PARD3: variants seen among roughly 807,000 people sequenced by gnomAD.
PARD3 encodes partitioning defective 3 homolog.
A neutral mutation model predicts 155.4 loss-of-function variants in PARD3; 75 were observed. The observed-to-expected ratio is 0.48, with a 90% CI of 0.40 to 0.58. The LOEUF (loss-of-function observed/expected upper bound fraction) is 0.58. Ranked by LOEUF, PARD3 falls within the 20% of genes least tolerant of loss-of-function variation. The pLI is 0.00. For synonymous variants in PARD3, 576 were observed against 610.5 expected (o/e 0.94, Z 0.83); for missense variants, 1,642 against 1,721.7 (o/e 0.95, Z 0.82).
chr10:34,488,375 A>G (rs962595010), intron 3 of PARD3, among the ~76,000 whole-genome samples: 1 of 151,852 alleles, frequency 6.6e-6, no homozygotes, highest in African/African-American at 2.4e-5. Flanking sequence ...GCTGGAGTGC[A>G]GTGATGCAAT....
intron 1 of PARD3, among the ~76,000 whole-genome samples, chr10:34,778,183 C>A (rs1203531531): frequency 1.3e-5 from 2 of 152,218 alleles, no homozygotes; most frequent in Non-Finnish European, 2.9e-5. Flanking sequence ...AATACAAACT[C>A]ACTAAGCTCC....
In PARD3 at chr10:34,724,570, T is replaced by C. The variant is rs551842107; in HGVS notation, c.121-28151A>G. Among the ~76,000 whole-genome samples, 13 of 152,320 alleles carry C rather than the reference T, an allele frequency of 8.5e-5. No individual in the cohort carries two copies. In the South Asian group the frequency reaches 1.9e-3, roughly 22 times the overall value. On this transcript the variant is annotated intron_variant, in intron 1 of 24. Transcript: ENST00000374788. The stretch of plus-strand genomic sequence containing the variant: ...AATTTTACTATGATCACAGTAAACA[T>C]AGCACATAGAACTAAAGGAAATACT...
At chr10:34,669,612 A>C (rs1411638501) in intron 2 of PARD3, among the ~76,000 whole-genome samples, 1 of 152,132 alleles carries the variant, frequency 6.6e-6, no homozygotes, top group Non-Finnish European at 1.5e-5. Context: ...TTAAAAAAAA[A>C]CAGAAAAAAT....
chr10:34,804,199 A>T (rs1843110130), intron 1 of PARD3, among the ~76,000 whole-genome samples: 1 of 152,060 alleles, frequency 6.6e-6, no homozygotes, highest in South Asian at 2.1e-4. Flanking sequence ...ACACTCAGCT[A>T]AATTTTTTTG....
chr10:34,260,491 C>T (rs1954901701), intron 22 of PARD3, among the ~76,000 whole-genome samples: 1 of 152,122 alleles, frequency 6.6e-6, no homozygotes, highest in Non-Finnish European at 1.5e-5. Flanking sequence ...GGCCCAGGCA[C>T]AGATGTGGAT....
chr10:34,668,556 A>G (rs2093546537), intron 2 of PARD3, among the ~76,000 whole-genome samples: 1 of 152,236 alleles, frequency 6.6e-6, no homozygotes, highest in African/African-American at 2.4e-5. Context: ...ACCTGGCTCT[A>G]TAGCATTATT....
chr10:34,310,770 A>G (rs1957659110), intron 20 of PARD3, among the ~76,000 whole-genome samples: 1 of 152,214 alleles, frequency 6.6e-6, no homozygotes, highest in South Asian at 2.1e-4. Context: ...CTCTGTTTCA[A>G]TTCAAATTAA....
rs71984849 is a variant in PARD3 at position 34,750,030 on chromosome 10, TACACACAC to T, written c.121-53619_121-53612del. Among the ~76,000 whole-genome samples the T allele has an allele frequency of 2.5e-3, 347 of 140,792 alleles. 2 individuals are homozygous for T. The highest frequency in any genetic ancestry group is 4.6e-3 in the African/African-American group (174 of 38,010). The allele number at this position is 140,792 out of a possible 152,430, so 92.4% of individuals were successfully genotyped here. ...GAACGAGACCCCCTCTCAAAAAAAG[TACACACAC>T]ACACACACACACACACACACACACA... On this transcript the variant is annotated intron_variant, in intron 1 of 24. Coordinates refer to ENST00000374788, the MANE Select transcript of PARD3 (RefSeq NM_001184785.2).
At chr10:34,686,176 C>T (rs1366586831) in intron 2 of PARD3, among the ~76,000 whole-genome samples, 2 of 152,094 alleles carry the variant, frequency 1.3e-5, no homozygotes, top group Admixed American at 6.5e-5. Context: ...ATGTGAAGCC[C>T]TCCCTCATTT....
intron 5 of PARD3, among the ~76,000 whole-genome samples, chr10:34,449,691 GTAAA>G (rs1159035632): frequency 2.6e-5 from 4 of 151,998 alleles, no homozygotes; most frequent in African/African-American, 4.8e-5. Flanking sequence ...CAACAACTTT[GTAAA>G]TAGTCATTCT....
At chr10:34,712,392 G>A (rs967937727) in intron 1 of PARD3, among the ~76,000 whole-genome samples, 1 of 152,148 alleles carries the variant, frequency 6.6e-6, no homozygotes, top group Admixed American at 6.5e-5. Flanking sequence ...CTGGTGCTGC[G>A]CCCACCTCCT....
intron 5 of PARD3, among the ~76,000 whole-genome samples, chr10:34,426,209 A>T (rs1564699688): frequency 6.6e-6 from 1 of 152,218 alleles, no homozygotes; most frequent in Non-Finnish European, 1.5e-5. Flanking sequence ...TAAAAGGATG[A>T]GTTTTCTTAC....
chr10:34,222,055 T>C (rs1342865202), intron 22 of PARD3, among the ~76,000 whole-genome samples: 1 of 152,234 alleles, frequency 6.6e-6, no homozygotes, highest in East Asian at 1.9e-4. Context: ...TTGCACTATA[T>C]AAAGATGAAA....
intron 1 of PARD3, among the ~76,000 whole-genome samples, chr10:34,697,273 C>T (rs1386847958): frequency 6.6e-6 from 1 of 152,138 alleles, no homozygotes; most frequent in African/African-American, 2.4e-5. Flanking sequence ...TACTAAATTG[C>T]ATGTTTCACC....
intron 22 of PARD3, among the ~76,000 whole-genome samples, chr10:34,230,766 G>A (rs1409126142): frequency 2.0e-5 from 3 of 152,068 alleles, no homozygotes; most frequent in Non-Finnish European, 4.4e-5. Flanking sequence ...GGTGGCTCAC[G>A]CCCATAATCC....
At position 34,353,184 on chromosome 10, in the gene PARD3, C is replaced by T. The variant is rs936023245; in HGVS notation, c.2068-5069G>A. Among the ~76,000 whole-genome samples, 4 of 151,814 alleles carry T rather than the reference C, an allele frequency of 2.6e-5. No individual in the cohort carries two copies. In the East Asian group the frequency reaches 5.9e-4, roughly 22 times the overall value. Reference sequence around the variant, plus strand: ...CCGTCCGGGAGGGAGGTGGGGGGCGCGTCTGCCTGGGCGCCACCCCGTCCG... The same window carrying T: ...CCGTCCGGGAGGGAGGTGGGGGGCGTGTCTGCCTGGGCGCCACCCCGTCCG... On this transcript the variant is annotated intron_variant, in intron 14 of 24. Transcript: ENST00000374788.
chr10:34,589,636 C>CAAAA (rs35357373), intron 2 of PARD3, among the ~76,000 whole-genome samples: 17 of 84,292 alleles, frequency 2.0e-4, no homozygotes, highest in African/African-American at 6.3e-4. Context: ...AGTACATGTC[C>CAAAA]AAAAAAAAAA....
chr10:34,304,147 G>A (rs900684658), intron 20 of PARD3, among the ~76,000 whole-genome samples: 4 of 152,148 alleles, frequency 2.6e-5, no homozygotes, highest in African/African-American at 9.7e-5. Context: ...AGTCTGTGAA[G>A]AGGGAGAGGA....
At chr10:34,581,680 G>A (rs2087502609) in intron 2 of PARD3, among the ~76,000 whole-genome samples, 1 of 152,172 alleles carries the variant, frequency 6.6e-6, no homozygotes, top group South Asian at 2.1e-4. Flanking sequence ...CCATTTGCCT[G>A]ACTCCTACAC....
Sources: gnomAD v4.1 joint callset for allele counts (sites outside exome capture counted in the v4.1 genomes callset) on GRCh38, gnomAD v4.1.1 for gene constraint, MANE v1.5 for transcripts, NCBI Gene and HGNC (gene_info 2026-07-23, HGNC 2026-07-21) for gene names.